The following SLC41A1 variants were observed in gnomAD, a reference collection of about 807,000 sequenced individuals.
SLC41A1 encodes solute carrier family 41 member 1.
SLC41A1 carries 20 observed loss-of-function variants against 47.3 expected under a neutral mutation model. The observed-to-expected ratio is 0.42, with a 90% CI of 0.30 to 0.61. The LOEUF (loss-of-function observed/expected upper bound fraction) is 0.61. Among genes scored for constraint, SLC41A1 ranks in the 20% least tolerant of loss-of-function variants. The probability of loss-of-function intolerance (pLI) is 0.17; values close to 1 mark genes in which losing one functional copy is unlikely to be tolerated. For synonymous variants in SLC41A1, 282 were observed against 272.7 expected (o/e 1.03, Z -0.34); for missense variants, 504 against 674.1 (o/e 0.75, Z 2.79).
rs200029523 is a variant in SLC41A1 at position 205,810,190 on chromosome 1, G to T, written c.252C>A (p.Gly84=). ...CCTTGAGCGGGGAAGGTGGCGCAGG[G>T]CCACGGTCTGTGCTGACGTCGTCAC... ...NESDDVSTDR[G]PAPPSPLKET... Residue 84 remains glycine (G), a synonymous_variant, in exon 2 of 11, where the codon GGC becomes GGA. Coordinates refer to ENST00000367137, the MANE Select transcript of SLC41A1 (RefSeq NM_173854.6). The surrounding 1 kb of genome is among the most constrained non-coding windows in gnomAD (Gnocchi z 5.5). 6.2e-7 allele frequency: 1 copy of T among 1,614,224 alleles called. No homozygotes were observed. The highest frequency in any genetic ancestry group is 8.5e-7 in the Non-Finnish European group (1 of 1,180,034).
intron 9 of SLC41A1, 34 bp from the exon 10 acceptor site, chr1:205,795,052 GGGA>G (rs1327695550): frequency 2.5e-6 from 4 of 1,611,020 alleles, no homozygotes; most frequent in African/African-American, 1.3e-5. Context: ...TAAAGAGGAG[GGGA>G]GGAGAAGACC....
chr1:205,795,628 C>T, intron 8 of SLC41A1, 150 bp from the exon 9 acceptor site: 1 of 976,010 alleles, frequency 1.0e-6, no homozygotes, highest in Non-Finnish European at 1.6e-6. Flanking sequence ...ATTCACCAGT[C>T]CCCAAAAGAA....
At chr1:205,792,460 T>C (rs918900117) in intron 10 of SLC41A1, among the ~76,000 whole-genome samples, 3 of 152,244 alleles carry the variant, frequency 2.0e-5, no homozygotes, top group African/African-American at 7.2e-5. Context: ...TTATCTGTGT[T>C]CTTGCTTACC....
chr1:205,808,497 T>C (rs1313573860), intron 2 of SLC41A1, among the ~76,000 whole-genome samples: 1 of 152,210 alleles, frequency 6.6e-6, no homozygotes, highest in Admixed American at 6.5e-5. Context: ...CTCTCTTCAG[T>C]TCACCTCTGG....
In SLC41A1 at chr1:205,797,999, C is replaced by G; in HGVS notation, c.897G>C (p.Leu299=). 1.9e-6 allele frequency: 3 copies of G among 1,614,180 alleles called. No individual in the cohort carries two copies. The highest frequency in any genetic ancestry group is 4.5e-5 in the East Asian group (2 of 44,888). The change falls in exon 7 of 11, where the codon CTG becomes CTC. Residue 299 remains leucine, a synonymous_variant. Coordinates refer to ENST00000367137, the MANE Select transcript of SLC41A1 (RefSeq NM_173854.6). ...GTCGGGCCAGCACCACCCAGACAGG[C>G]AGCAGGGCCACAAAGAAAGCACACA... The part of the protein sequence containing the change: ...PLVCAFFVAL[L]PVWVVLARRS...
At chr1:205,798,889 G>A in intron 5 of SLC41A1, 68 bp downstream of exon 5, 1 of 1,614,196 alleles carries the variant, frequency 6.2e-7, no homozygotes, top group Non-Finnish European at 8.5e-7. Flanking sequence ...AAAAGAGAGA[G>A]TGGAAGTGCC....
chr1:205,802,310 G>A (rs572492463), intron 2 of SLC41A1, among the ~76,000 whole-genome samples: 3 of 152,290 alleles, frequency 2.0e-5, no homozygotes, highest in South Asian at 2.1e-4. Context: ...CACGTAGACC[G>A]GCTGGACACC....
intron 2 of SLC41A1, among the ~76,000 whole-genome samples, chr1:205,806,425 T>A (rs1656015744): frequency 6.6e-6 from 1 of 152,112 alleles, no homozygotes. Flanking sequence ...AGCAGGTGAG[T>A]AGTGAGTTAA....
chr1:205,800,910 A>G, intron 3 of SLC41A1, 43 bp downstream of exon 3: 1 of 1,549,992 alleles, frequency 6.5e-7, no homozygotes, highest in South Asian at 1.1e-5. Flanking sequence ...TGTGCTGCCC[A>G]GAGTCCTCTC....
intron 2 of SLC41A1, among the ~76,000 whole-genome samples, chr1:205,807,960 GTT>G (rs113940724): frequency 7.0e-6 from 1 of 142,344 alleles, no homozygotes; most frequent in Non-Finnish European, 1.5e-5. Flanking sequence ...CCCAGCCAGA[GTT>G]TTTTTTTTTT....
intron 1 of SLC41A1, among the ~76,000 whole-genome samples, chr1:205,812,351 T>C (rs984266211): frequency 1.3e-5 from 2 of 152,172 alleles, no homozygotes; most frequent in African/African-American, 4.8e-5. Context: ...CCTTTTCCAA[T>C]CTCCTTAAAC....
At chr1:205,803,946 A>G (rs573736456) in intron 2 of SLC41A1, among the ~76,000 whole-genome samples, 9 of 152,220 alleles carry the variant, frequency 5.9e-5, no homozygotes, top group African/African-American at 2.2e-4. Context: ...ATAGAGGCGG[A>G]AAGAAGAATG....
intron 2 of SLC41A1, among the ~76,000 whole-genome samples, chr1:205,807,404 T>C (rs1656037803): frequency 6.6e-6 from 1 of 152,080 alleles, no homozygotes; most frequent in Admixed American, 6.6e-5. Context: ...GCTCCAAAGG[T>C]TCCCTACCCA....
At position 205,791,485 on chromosome 1, in the gene SLC41A1, T is replaced by A; in HGVS notation, c.*48A>T. 1 of 1,612,300 alleles carries A rather than the reference T, an allele frequency of 6.2e-7. No homozygotes were observed. Among genetic ancestry groups the A allele is most frequent in the Non-Finnish European group, 8.5e-7 (1 of 1,179,128 alleles). On this transcript the variant is annotated 3_prime_UTR_variant, in exon 11 of 11. Coordinates refer to ENST00000367137, the MANE Select transcript of SLC41A1 (RefSeq NM_173854.6). The surrounding 1 kb of genome is among the most constrained non-coding windows in gnomAD (Gnocchi z 4.0). ...GAGGGACAGGGGAACAAAAGAAAAA[T>A]TTCAAATAGAAAGTGCAGAGGGATG...
At position 205,811,425 on chromosome 1, in the gene SLC41A1, C is replaced by T. The variant is rs113244542; in HGVS notation, c.-646-338G>A. The stretch of plus-strand genomic sequence containing the variant: ...AGCAACTGGGGGTGGGTAGGTGTGT[C>T]CTCAGCAAGACCCCTTCTTGAATGC... On this transcript the variant is annotated intron_variant, in intron 1 of 10. Coordinates refer to ENST00000367137, the MANE Select transcript of SLC41A1 (RefSeq NM_173854.6). Among the ~76,000 whole-genome samples, 1,298 of 152,294 alleles carry T rather than the reference C, an allele frequency of 8.5e-3. 8 individuals carry two copies. The highest frequency in any genetic ancestry group is 0.014 in the Middle Eastern group (4 of 294).
rs1482454157 is a variant in SLC41A1 at position 205,797,895 on chromosome 1, C to G, written c.992+9G>C. The G allele has an allele frequency of 6.2e-7, 1 of 1,613,836 alleles. No homozygotes were observed. Among genetic ancestry groups the G allele is most frequent in the Non-Finnish European group, 8.5e-7 (1 of 1,180,032 alleles). ...GGGGTAGGAGTGGATACTCAGGGCC[C>G]CAGCCTACCTGCTGATGGCCATGGC... On this transcript the variant is annotated intron_variant, in intron 7 of 10. Coordinates refer to ENST00000367137, the MANE Select transcript of SLC41A1 (RefSeq NM_173854.6).
chr1:205,809,312 C>T (rs146062306), intron 2 of SLC41A1, among the ~76,000 whole-genome samples: 10 of 152,358 alleles, frequency 6.6e-5, no homozygotes, highest in African/African-American at 2.2e-4. Context: ...CACCGACTCT[C>T]ATCCTTCATT....
chr1:205,809,088 C>A (rs1656081782), intron 2 of SLC41A1, among the ~76,000 whole-genome samples: 1 of 152,226 alleles, frequency 6.6e-6, no homozygotes, highest in Non-Finnish European at 1.5e-5. Context: ...CTCTGAGTAC[C>A]TAGGACAGAG....
intron 10 of SLC41A1, among the ~76,000 whole-genome samples, chr1:205,793,689 T>C (rs543544923): frequency 3.9e-5 from 6 of 152,332 alleles, no homozygotes; most frequent in Admixed American, 1.3e-4. Context: ...TTGTTCTCTT[T>C]ATGTATTGAT....
Sources: allele counts gnomAD v4.1 joint callset (sites outside exome capture counted in the v4.1 genomes callset), GRCh38; gene constraint gnomAD v4.1.1; non-coding constraint Gnocchi (gnomAD v3.1); transcripts MANE v1.5; gene names NCBI Gene and HGNC (gene_info 2026-07-23, HGNC 2026-07-21).